The following MATR3 variants were observed in gnomAD, a reference collection of about 807,000 sequenced individuals.
MATR3 encodes the protein matrin-3.
A neutral mutation model predicts 85.5 loss-of-function variants in MATR3; 4 were observed. The ratio of observed to expected loss-of-function variants is 0.05; its 90% CI spans 0.02 to 0.11. MATR3 has a LOEUF of 0.11. Among genes scored for constraint, MATR3 ranks in the 10% least tolerant of loss-of-function variants. The probability of loss-of-function intolerance (pLI) is 1.00; values close to 1 mark genes in which losing one functional copy is unlikely to be tolerated. For synonymous variants in MATR3, 336 were observed against 343.1 expected, an observed-to-expected ratio of 0.98 and a Z score of 0.23; for missense variants, 685 against 1,016.1, an observed-to-expected ratio of 0.67 and a Z score of 4.43.
At chr5:139,298,824 T>C (rs1754293604) in intron 1 of MATR3, among the ~76,000 whole-genome samples, 1 of 152,190 alleles carries the variant, frequency 6.6e-6, no homozygotes, top group Admixed American at 6.5e-5. Context: ...ACAGCGTTGT[T>C]CTTGGTAATG....
chr5:139,290,518 G>C (rs965859585), upstream of MATR3, among the ~76,000 whole-genome samples: 42 of 122,098 alleles, frequency 3.4e-4, no homozygotes, highest in African/African-American at 1.3e-3. Context: ...CCCCCTCCCA[G>C]GCTCAGTCGA....
chr5:139,313,798 C>T (rs1018389743), intron 2 of MATR3: 1 of 152,146 alleles, frequency 6.6e-6, no homozygotes, highest in Non-Finnish European at 1.5e-5. Context: ...ATCATGTTAG[C>T]ATTTTATGGT....
intron 2 of MATR3, among the ~76,000 whole-genome samples, chr5:139,276,686 C>T (rs1054304913): frequency 1.7e-4 from 26 of 151,990 alleles, no homozygotes; most frequent in African/African-American, 5.8e-4. Flanking sequence ...TAAAAATAGA[C>T]GGAAAAGTCA....
At chr5:139,315,548 T>C in intron 3 of MATR3, 149 bp from the exon 4 acceptor site, 1 of 570,018 alleles carries the variant, frequency 1.8e-6, no homozygotes, top group Non-Finnish European at 3.2e-6. Context: ...TTTTGAAATA[T>C]CTATTGGAAA....
In MATR3 at chr5:139,331,114, A is replaced by T. The variant is rs755934666; in HGVS notation, c.*1719A>T. 3 of 453,964 alleles carry T rather than the reference A, an allele frequency of 6.6e-6. No individual in the cohort carries two copies. The highest frequency in any genetic ancestry group is 1.3e-5 in the Non-Finnish European group (3 of 226,792). The allele number at this position is 453,964 out of a possible 1,614,324, so 28.1% of individuals were successfully genotyped here. A position where few individuals can be genotyped will look rare whatever the true frequency, so the allele number is the denominator to read the frequency against. The stretch of plus-strand genomic sequence containing the variant: ...CCAAGAAACAAAGTTTTAATTTCAA[A>T]AAAATCTACAAAAACAGGATAGGCA... On this transcript the variant is annotated 3_prime_UTR_variant, in exon 15 of 15. Transcript: ENST00000394805.
chr5:139,331,088 G>T lies in MATR3; in HGVS notation c.*1693G>T, dbSNP rs1162629002. The T allele has an allele frequency of 1.1e-5, 5 of 453,890 alleles. No individual in the cohort carries two copies. Among genetic ancestry groups the T allele is most frequent in the South Asian group, 7.8e-5 (5 of 64,482 alleles). The allele number at this position is 453,890 out of a possible 1,614,324, so 28.1% of individuals were successfully genotyped here. A position where few individuals can be genotyped will look rare whatever the true frequency, so the allele number is the denominator to read the frequency against. The stretch of plus-strand genomic sequence containing the variant: ...CTGTAGGCATGAGCCACCATCCCTG[G>T]CCAAGAAACAAAGTTTTAATTTCAA... On this transcript the variant is annotated 3_prime_UTR_variant, in exon 15 of 15. Coordinates refer to ENST00000394805, the MANE Select transcript of MATR3 (RefSeq NM_018834.6).
chr5:139,322,511 T>C lies in MATR3; in HGVS notation c.1778+5T>C, dbSNP rs377212154. ...ACTGAAAAAAGATAAATCCCGGTAA[T>C]TTCATTTTGTTTTTCATATGTGTGA... is the stretch of plus-strand genomic sequence containing the variant. On this transcript the variant is annotated splice_donor_5th_base_variant and intron_variant, in intron 11 of 14. Transcript: ENST00000394805. The C allele has an allele frequency of 1.1e-4, 170 of 1,575,030 alleles. No individual in the cohort carries two copies. Among genetic ancestry groups the C allele is most frequent in the Non-Finnish European group, 1.4e-4 (165 of 1,147,758 alleles).
chr5:139,278,202 G>A (rs1753367261), intron 2 of MATR3: 1 of 336,662 alleles, frequency 3.0e-6, no homozygotes. Flanking sequence ...ACTGCACTCA[G>A]TCTAGACAGA....
chr5:139,279,338 C>T, intron 3 of MATR3: 1 of 341,764 alleles, frequency 2.9e-6, no homozygotes, highest in Non-Finnish European at 5.7e-6. Flanking sequence ...AAGCGATTCT[C>T]CTGCCTCAGC....
chr5:139,303,750 T>G (rs1290960866), intron 1 of MATR3, among the ~76,000 whole-genome samples: 4 of 150,904 alleles, frequency 2.7e-5, no homozygotes, highest in Non-Finnish European at 1.5e-5. Context: ...GACACTGTCT[T>G]TTTTTTTTAA....
chr5:139,326,037 T>A, intron 13 of MATR3, 126 bp from the exon 14 acceptor site: 1 of 884,030 alleles, frequency 1.1e-6, no homozygotes, highest in Non-Finnish European at 1.7e-6. Context: ...TTTTGTTTTT[T>A]ATCTTAGGCT....
upstream of MATR3, among the ~76,000 whole-genome samples, chr5:139,289,622 G>A (rs1753810391): frequency 6.6e-6 from 1 of 152,158 alleles, no homozygotes; most frequent in Non-Finnish European, 1.5e-5. Context: ...TTACTGTAAA[G>A]GAAATTATCT....
intron 2 of MATR3, chr5:139,311,201 TAA>T (rs1754954201): frequency 6.6e-6 from 1 of 152,216 alleles, no homozygotes. Flanking sequence ...GAGTTTATAT[TAA>T]GTTATACTTT....
At position 139,322,921 on chromosome 5, in the gene MATR3, A is replaced by G; in HGVS notation, c.2102A>G (p.Lys701Arg). ...GKKEPSDKAV[K>R]KDGSASAAAK... ...AAGGAACCATCAGATAAAGCTGTGAAAAAAGATGGAAGTGCTTCAGCAGCA... is the reference window on the plus strand; with the variant it reads ...AAGGAACCATCAGATAAAGCTGTGAGAAAAGATGGAAGTGCTTCAGCAGCA... The change falls in exon 12 of 15, where the codon AAA becomes AGA. Residue 701 changes from lysine to arginine, a missense_variant. Coordinates refer to ENST00000394805, the MANE Select transcript of MATR3 (RefSeq NM_018834.6). 1.2e-6 allele frequency: 2 copies of G among 1,613,998 alleles called. No individual in the cohort carries two copies. Among genetic ancestry groups the G allele is most frequent in the Non-Finnish European group, 8.5e-7 (1 of 1,179,990 alleles).
In MATR3 at chr5:139,329,978, T is replaced by C. The variant is rs1756055312; in HGVS notation, c.*583T>C. 2.2e-6 allele frequency: 1 copy of C among 453,114 alleles called. No individual in the cohort carries two copies. Among genetic ancestry groups the C allele is most frequent in the Non-Finnish European group, 4.4e-6 (1 of 225,992 alleles). The allele number at this position is 453,114 out of a possible 1,614,324, so 28.1% of individuals were successfully genotyped here. On this transcript the variant is annotated 3_prime_UTR_variant, in exon 15 of 15. Coordinates refer to ENST00000394805, the MANE Select transcript of MATR3 (RefSeq NM_018834.6). The stretch of plus-strand genomic sequence containing the variant: ...AATAAGAAATATTAAGTAATTGGCT[T>C]TAGATTTTGTAATTTTTTTCCCTGA...
At chr5:139,280,890 G>A (rs1346818920) in intron 3 of MATR3, among the ~76,000 whole-genome samples, 4 of 151,482 alleles carry the variant, frequency 2.6e-5, no homozygotes, top group Non-Finnish European at 5.9e-5. Context: ...GTAATCATGT[G>A]CATTTAAATA....
At chr5:139,321,836 AAGGTT>A in intron 9 of MATR3, 57 bp from the exon 10 acceptor site, 6 of 1,540,830 alleles carry the variant, frequency 3.9e-6, no homozygotes, top group Non-Finnish European at 5.3e-6. Flanking sequence ...AATACATAAT[AAGGTT>A]TTATACAATT....
rs1390424936 is a variant in MATR3, at chr5:139,331,464, C to T, written c.*2069C>T. ...AAGAATGCTATGTTTTTAATACCTA[C>T]ATTTGAGAGCATTTAGAAATCAGAA... is the stretch of plus-strand genomic sequence containing the variant. On this transcript the variant is annotated 3_prime_UTR_variant, in exon 15 of 15. Transcript: ENST00000394805. 2.2e-6 allele frequency: 1 copy of T among 454,102 alleles called. No individual in the cohort carries two copies. Among genetic ancestry groups the T allele is most frequent in the Admixed American group, 2.3e-5 (1 of 42,562 alleles). The allele number at this position is 454,102 out of a possible 1,614,324, so 28.1% of individuals were successfully genotyped here. A position where few individuals can be genotyped will look rare whatever the true frequency, so the allele number is the denominator to read the frequency against.
chr5:139,326,963 CATT>C (rs1308704640), intron 14 of MATR3, among the ~76,000 whole-genome samples: 1 of 152,080 alleles, frequency 6.6e-6, no homozygotes, highest in Non-Finnish European at 1.5e-5. Context: ...TTAATATTGA[CATT>C]ATTATTGACA....
Sources: gnomAD v4.1 joint callset for allele counts (sites outside exome capture counted in the v4.1 genomes callset) on GRCh38, gnomAD v4.1.1 for gene constraint, MANE v1.5 for transcripts, NCBI Gene and HGNC (gene_info 2026-07-23, HGNC 2026-07-21) for gene names.